Variants in TMPRSS15 observed in about 807,000 individuals in gnomAD.
The protein encoded by TMPRSS15 is transmembrane serine protease 15, also known as enteropeptidase.
Under a neutral mutation model 125.3 loss-of-function variants are expected in TMPRSS15, and 128 were observed. The ratio of observed to expected loss-of-function variants is 1.02; its 90% CI spans 0.89 to 1.18. The LOEUF (loss-of-function observed/expected upper bound fraction) is 1.18. Among genes scored for constraint, TMPRSS15 ranks in the 50% most tolerant of loss-of-function variants. The pLI is 0.00. For missense variants in TMPRSS15, 1,283 were observed against 1,212.7 expected, an observed-to-expected ratio of 1.06 and a Z score of -0.86; for synonymous variants, 446 against 423.2, an observed-to-expected ratio of 1.05 and a Z score of -0.66.
chr21:18,398,075 C>A, intron 2 of TMPRSS15, 124 bp downstream of exon 2: 1 of 1,279,860 alleles, frequency 7.8e-7, no homozygotes, highest in Admixed American at 1.8e-5. Flanking sequence ...TAATGGGGCT[C>A]ATACATTTGA....
At chr21:18,413,682 C>T (rs1482170544) in intron 1 of TMPRSS15, among the ~76,000 whole-genome samples, 1 of 151,262 alleles carries the variant, frequency 6.6e-6, no homozygotes, top group Non-Finnish European at 1.5e-5. Flanking sequence ...GCTGCTTTGG[C>T]CTCCCAAAGT....
At chr21:18,458,751 C>T (rs1238896379) in intron 1 of TMPRSS15, among the ~76,000 whole-genome samples, 2 of 152,182 alleles carry the variant, frequency 1.3e-5, no homozygotes. Flanking sequence ...TCAACCCTAA[C>T]AGACCCATGG....
chr21:18,400,489 G>A (rs2076085019), intron 1 of TMPRSS15, among the ~76,000 whole-genome samples: 1 of 152,050 alleles, frequency 6.6e-6, no homozygotes, highest in Admixed American at 6.6e-5. Flanking sequence ...GAAAGGACTT[G>A]CTAGTTAATA....
chr21:18,463,094 T>A (rs1245785248), intron 1 of TMPRSS15, among the ~76,000 whole-genome samples: 1 of 151,906 alleles, frequency 6.6e-6, no homozygotes, highest in East Asian at 1.9e-4. Context: ...GTAAATGGGC[T>A]AATTGCCTCA....
At chr21:18,271,479 A>T (rs535710202) in intron 24 of TMPRSS15, among the ~76,000 whole-genome samples, 1 of 152,188 alleles carries the variant, frequency 6.6e-6, no homozygotes, top group Non-Finnish European at 1.5e-5. Context: ...CTTGTTGCCT[A>T]TCGGCTGGGT....
chr21:18,425,879 G>A (rs2824822), intron 1 of TMPRSS15, among the ~76,000 whole-genome samples: 58,340 of 151,846 alleles, frequency 0.38, 11,952 homozygotes, highest in Middle Eastern at 0.48. Context: ...ACCTAAATGC[G>A]ATACAAGAAA....
At chr21:18,402,686 A>G (rs1393491344) in intron 1 of TMPRSS15, among the ~76,000 whole-genome samples, 5 of 152,194 alleles carry the variant, frequency 3.3e-5, no homozygotes, top group Non-Finnish European at 7.3e-5. Context: ...ATAAATGAAT[A>G]AGTGGTAAGA....
chr21:18,441,696 T>C (rs1390477334), intron 1 of TMPRSS15, among the ~76,000 whole-genome samples: 3 of 147,808 alleles, frequency 2.0e-5, no homozygotes, highest in African/African-American at 7.4e-5. Context: ...ATTATTATTA[T>C]TATTATTATT....
intron 22 of TMPRSS15, among the ~76,000 whole-genome samples, chr21:18,280,575 C>CAAAAAAAAAAAAAAAAAAAAAAAAAAA (rs1230513414): frequency 1.2e-4 from 6 of 48,354 alleles, no homozygotes; most frequent in African/African-American, 5.6e-4. Context: ...GACTCCGTCT[C>CAAAAAAAAAAAAAAAAAAAAAAAAAAA]AAAAAAAAAA....
intron 8 of TMPRSS15, among the ~76,000 whole-genome samples, 175 bp from the exon 9 acceptor site, chr21:18,354,038 C>A (rs2075600401): frequency 6.6e-6 from 1 of 151,718 alleles, no homozygotes; most frequent in Non-Finnish European, 1.5e-5. Context: ...ATTAAAATAT[C>A]TCTTCTCTCA....
chr21:18,359,661 A>C lies in TMPRSS15; in HGVS notation c.880+96T>G, dbSNP rs1389589160. ...TTTTAGTTTTATAAGTTTCAAGTCC[A>C]TATTCACTTCAAAATCAAAGGGAAA... On this transcript the variant is annotated intron_variant, in intron 8 of 24. Coordinates refer to ENST00000284885, the MANE Select transcript of TMPRSS15 (RefSeq NM_002772.3). The C allele has an allele frequency of 4.8e-6, 3 of 629,800 alleles. No individual in the cohort carries two copies. The Admixed American group carries it at 8.0e-5, about 17-fold the overall frequency. The allele number at this position is 629,800 out of a possible 1,614,324, so 39.0% of individuals were successfully genotyped here. A position where few individuals can be genotyped will look rare whatever the true frequency, so the allele number is the denominator to read the frequency against.
chr21:18,400,819 C>G (rs2076087961), intron 1 of TMPRSS15, among the ~76,000 whole-genome samples: 1 of 152,060 alleles, frequency 6.6e-6, no homozygotes. Flanking sequence ...GAAATACTTG[C>G]AAACGATGCA....
chr21:18,435,012 A>T (rs1397232753), intron 1 of TMPRSS15, among the ~76,000 whole-genome samples: 1 of 152,126 alleles, frequency 6.6e-6, no homozygotes, highest in Non-Finnish European at 1.5e-5. Flanking sequence ...GGAAGCAATA[A>T]CCTCTACCTT....
Position 18,398,321 on chromosome 21 carries a change from G to C in TMPRSS15, c.154C>G (p.Leu52Val), listed in dbSNP as rs745517119. ...TIKESQRGAALGQSHEARATF... is the reference protein window; with the variant it reads ...TIKESQRGAAVGQSHEARATF... ...GCTCTGGCTTCATGACTCTGTCCAA[G>C]TGCTGCACCTAGATAAATTAATAAG... is the stretch of plus-strand genomic sequence containing the variant. Residue 52 changes from leucine to valine, a missense_variant, in exon 2 of 25, where the codon CTT becomes GTT. By Grantham distance (32) the Leu-to-Val change is conservative (BLOSUM62 1). Coordinates refer to ENST00000284885, the MANE Select transcript of TMPRSS15 (RefSeq NM_002772.3). The C allele has an allele frequency of 1.2e-6, 2 of 1,613,586 alleles. No individual in the cohort carries two copies. Among genetic ancestry groups the C allele is most frequent in the Non-Finnish European group, 1.7e-6 (2 of 1,179,704 alleles).
chr21:18,423,245 C>T (rs930414439), intron 1 of TMPRSS15, among the ~76,000 whole-genome samples: 3 of 152,110 alleles, frequency 2.0e-5, no homozygotes, highest in Admixed American at 6.5e-5. Context: ...CAACTGCCTG[C>T]CCACTCCCAA....
intron 14 of TMPRSS15, 116 bp from the exon 15 acceptor site, chr21:18,329,410 A>C: frequency 9.2e-7 from 1 of 1,089,792 alleles, no homozygotes; most frequent in Non-Finnish European, 1.3e-6. Flanking sequence ...TTTCCACTTC[A>C]TGAAAATCAG....
intron 13 of TMPRSS15, among the ~76,000 whole-genome samples, chr21:18,338,443 A>G (rs2075414302): frequency 6.6e-6 from 1 of 152,184 alleles, no homozygotes; most frequent in Non-Finnish European, 1.5e-5. Flanking sequence ...CAAGCAAGCC[A>G]TGATTTTAAT....
chr21:18,407,597 C>T (rs2123160754), upstream of TMPRSS15, among the ~76,000 whole-genome samples: 1 of 151,912 alleles, frequency 6.6e-6, no homozygotes, highest in East Asian at 1.9e-4. Flanking sequence ...AAGGTGTGTG[C>T]CATCATGCCC....
intron 1 of TMPRSS15, among the ~76,000 whole-genome samples, chr21:18,472,480 T>TATATATATATATATATATATATATAC (rs1491127013): frequency 3.6e-5 from 4 of 112,358 alleles, no homozygotes; most frequent in African/African-American, 1.2e-4. Flanking sequence ...TATATATATA[T>TATATATATATATATATATATATATAC]ACACACACAC....
Sources: gnomAD v4.1 joint callset for allele counts (sites outside exome capture counted in the v4.1 genomes callset) on GRCh38, gnomAD v4.1.1 for gene constraint, MANE v1.5 for transcripts, NCBI Gene and HGNC (gene_info 2026-07-23, HGNC 2026-07-21) for gene names.